The following TACR1 variants were observed in gnomAD, a reference collection of about 807,000 sequenced individuals.
The protein encoded by TACR1 is substance-P receptor.
Under a neutral mutation model 35.8 loss-of-function variants are expected in TACR1, and 25 were observed. The ratio of observed to expected loss-of-function variants is 0.70; its 90% confidence interval spans 0.51 to 0.98. TACR1 has a LOEUF of 0.98. TACR1 is among the 50% of genes least tolerant of loss of function. TACR1 has a pLI of 0.00. For synonymous variants in TACR1, 195 were observed against 206.7 expected (o/e 0.94, Z 0.48); for missense variants, 478 against 522.9 (o/e 0.91, Z 0.84).
intron 2 of TACR1, among the ~76,000 whole-genome samples, chr2:75,087,743 G>A (rs1673215758): frequency 6.6e-6 from 1 of 152,140 alleles, no homozygotes; most frequent in Non-Finnish European, 1.5e-5. Context: ...CTTTTCCCCT[G>A]CTGAAGTCCA....
chr2:75,195,816 TA>T (rs1234930179), intron 1 of TACR1, among the ~76,000 whole-genome samples: 3 of 152,306 alleles, frequency 2.0e-5, no homozygotes, highest in East Asian at 3.9e-4. Context: ...AATAGAATAG[TA>T]TGAAGCCATT....
chr2:75,073,214 T>A (rs565774589), intron 2 of TACR1, among the ~76,000 whole-genome samples: 3 of 152,240 alleles, frequency 2.0e-5, no homozygotes, highest in Non-Finnish European at 4.4e-5. Flanking sequence ...ATCACCCTGA[T>A]TGGAGCTTTA....
chr2:75,133,931 C>T (rs1020619798), intron 1 of TACR1, among the ~76,000 whole-genome samples: 1 of 152,132 alleles, frequency 6.6e-6, no homozygotes, highest in Non-Finnish European at 1.5e-5. Context: ...CAAACCCCAC[C>T]AAACCAAGAT....
intron 2 of TACR1, among the ~76,000 whole-genome samples, chr2:75,112,982 T>A (rs1673779847): frequency 6.6e-6 from 1 of 152,208 alleles, no homozygotes; most frequent in African/African-American, 2.4e-5. Context: ...TTGTCTTTGT[T>A]AGCTTTCTAT....
At chr2:75,133,625 A>C (rs1674221320) in intron 1 of TACR1, among the ~76,000 whole-genome samples, 1 of 152,174 alleles carries the variant, frequency 6.6e-6, no homozygotes, top group Admixed American at 6.5e-5. Context: ...TGGCTTCGGC[A>C]CCTTTGGTTT....
intron 1 of TACR1, among the ~76,000 whole-genome samples, chr2:75,137,728 CAAAAAAAAA>C (rs11326632): frequency 8.2e-4 from 39 of 47,516 alleles, no homozygotes; most frequent in African/African-American, 2.4e-3. Context: ...GTCTCCGTCT[CAAAAAAAAA>C]AAAAAAAAAA....
intron 2 of TACR1, among the ~76,000 whole-genome samples, chr2:75,078,762 G>A (rs1279717581): frequency 6.7e-6 from 1 of 148,954 alleles, no homozygotes; most frequent in Non-Finnish European, 1.5e-5. Flanking sequence ...TCAAACGATG[G>A]ATATTCCAGG....
chr2:75,062,033 G>T (rs1409431610), intron 2 of TACR1, among the ~76,000 whole-genome samples: 1 of 152,132 alleles, frequency 6.6e-6, no homozygotes, highest in Admixed American at 6.5e-5. Flanking sequence ...CAGCACCAAG[G>T]AAATACTTCA....
chr2:75,149,431 G>C (rs1322709502), intron 1 of TACR1, among the ~76,000 whole-genome samples: 3 of 152,102 alleles, frequency 2.0e-5, no homozygotes, highest in Non-Finnish European at 4.4e-5. Flanking sequence ...GTGGTTTGTA[G>C]TTCTCCTTGA....
chr2:75,070,377 T>C (rs1310088471), intron 2 of TACR1, among the ~76,000 whole-genome samples: 1 of 152,146 alleles, frequency 6.6e-6, no homozygotes, highest in Non-Finnish European at 1.5e-5. Context: ...TTCCTTTTAT[T>C]GGAGAATAAA....
At chr2:75,132,349 T>C (rs2103931539) in intron 1 of TACR1, among the ~76,000 whole-genome samples, 1 of 152,302 alleles carries the variant, frequency 6.6e-6, no homozygotes, top group South Asian at 2.1e-4. Context: ...TTTTTGGATC[T>C]TCCAGTTCAC....
chr2:75,112,086 A>G (rs967477549), intron 2 of TACR1, among the ~76,000 whole-genome samples: 1 of 152,070 alleles, frequency 6.6e-6, no homozygotes, highest in African/African-American at 2.4e-5. Flanking sequence ...TAGGTTATTC[A>G]GGTTTCCAAA....
chr2:75,059,678 C>T (rs1408087186), intron 2 of TACR1, among the ~76,000 whole-genome samples: 1 of 152,228 alleles, frequency 6.6e-6, no homozygotes, highest in Non-Finnish European at 1.5e-5. Context: ...ATGTCACAAA[C>T]AAACCTGAAT....
intron 2 of TACR1, among the ~76,000 whole-genome samples, chr2:75,056,436 G>A (rs889603990): frequency 2.6e-5 from 4 of 152,246 alleles, no homozygotes; most frequent in East Asian, 1.9e-4. Flanking sequence ...CCTACACCCC[G>A]GAGCCTGCCG....
At chr2:75,166,731 G>A (rs1469368334) in intron 1 of TACR1, among the ~76,000 whole-genome samples, 3 of 152,180 alleles carry the variant, frequency 2.0e-5, no homozygotes, top group Non-Finnish European at 4.4e-5. Flanking sequence ...AAACTTGGAG[G>A]CTATTAGAGG....
At chr2:75,093,489 GT>G (rs1193139668) in intron 2 of TACR1, among the ~76,000 whole-genome samples, 1 of 152,126 alleles carries the variant, frequency 6.6e-6, no homozygotes, top group Non-Finnish European at 1.5e-5. Flanking sequence ...GGCTGCACAG[GT>G]TATAGACACT....
At chr2:75,192,344 C>A (rs907298030) in intron 1 of TACR1, among the ~76,000 whole-genome samples, 1 of 152,040 alleles carries the variant, frequency 6.6e-6, no homozygotes, top group Non-Finnish European at 1.5e-5. Flanking sequence ...GTGGAAGAGG[C>A]CTGAGACAAG....
chr2:75,198,097 C>G (rs145042824), intron 1 of TACR1, among the ~76,000 whole-genome samples: 1 of 152,264 alleles, frequency 6.6e-6, no homozygotes, highest in Non-Finnish European at 1.5e-5. Flanking sequence ...GTACTTAAAA[C>G]AGGAAGGCAA....
chr2:75,163,306 T>C (rs1052722549), intron 1 of TACR1, among the ~76,000 whole-genome samples: 1 of 152,216 alleles, frequency 6.6e-6, no homozygotes, highest in Non-Finnish European at 1.5e-5. Context: ...ACATAAGCTT[T>C]TTTGTGCTTT....
Sources: gnomAD v4.1 joint callset for allele counts (sites outside exome capture counted in the v4.1 genomes callset) on GRCh38, gnomAD v4.1.1 for gene constraint, MANE v1.5 for transcripts, NCBI Gene and HGNC (gene_info 2026-07-23, HGNC 2026-07-21) for gene names.